C2orf42: variants seen among roughly 807,000 people sequenced by gnomAD.
C2orf42 encodes chromosome 2 open reading frame 42.
A neutral mutation model predicts 58.9 loss-of-function variants in C2orf42; 44 were observed. The ratio of observed to expected loss-of-function variants is 0.75; its 90% CI spans 0.59 to 0.96. The LOEUF (loss-of-function observed/expected upper bound fraction) is 0.96. Ranked by LOEUF, C2orf42 falls within the 40% of genes least tolerant of loss-of-function variation. C2orf42 has a pLI of 0.00. For synonymous variants in C2orf42, 239 were observed against 265.4 expected, an observed-to-expected ratio of 0.90 and a Z score of 0.97; for missense variants, 630 against 699.2, an observed-to-expected ratio of 0.90 and a Z score of 1.12.
intron 9 of C2orf42, among the ~76,000 whole-genome samples, chr2:70,152,564 G>A (rs369476913): frequency 7.9e-5 from 12 of 152,280 alleles, no homozygotes; most frequent in African/African-American, 2.9e-4. Context: ...ATGGAAAAAG[G>A]CAGGAAAATA....
chr2:70,155,176 G>A (rs1672583663), intron 9 of C2orf42, among the ~76,000 whole-genome samples: 1 of 151,990 alleles, frequency 6.6e-6, no homozygotes, highest in South Asian at 2.1e-4. Flanking sequence ...CCTGGGAGGT[G>A]GAGGTTGCAG....
chr2:70,172,913 A>T (rs1387470939), intron 5 of C2orf42, among the ~76,000 whole-genome samples: 1 of 152,172 alleles, frequency 6.6e-6, no homozygotes, highest in African/African-American at 2.4e-5. Flanking sequence ...CTATAATCCC[A>T]GCACTTTGGG....
Position 70,167,241 on chromosome 2 carries a change from C to T in C2orf42, c.1145-1606G>A, listed in dbSNP as rs376875437. On this transcript the variant is annotated intron_variant, in intron 6 of 9. Transcript: ENST00000264434. ...GGCATGGTGGCATGCGCCTGTAGTC[C>T]CAGCTACTTGGGAGGCTGAGGCAGG... Among the ~76,000 whole-genome samples the T allele has an allele frequency of 1.1e-4, 17 of 152,002 alleles. No homozygotes were observed. The East Asian group carries it at 1.9e-3, about 17-fold the overall frequency.
At position 70,181,795 on chromosome 2, in the gene C2orf42, A is replaced by G. The variant is rs1192623338; in HGVS notation, c.191T>C (p.Val64Ala). ...GARKQPSVEA[V>A]KIITGSDLQV... ...AAGATCAGAGCCTGTAATGATTTTG[A>G]CAGCTTCAACACTAGGCTGCTTGCG... The change falls in exon 3 of 10, where the codon GTC (valine) becomes GCC (alanine). Residue 64 changes from valine (V) to alanine (A), a missense_variant. Transcript: ENST00000264434. 6.2e-7 allele frequency: 1 copy of G among 1,614,134 alleles called. No homozygotes were observed. The highest frequency in any genetic ancestry group is 1.7e-5 in the Admixed American group (1 of 60,008).
intron 9 of C2orf42, among the ~76,000 whole-genome samples, chr2:70,158,446 ATTTGTTTG>A (rs554294278): frequency 3.6e-5 from 4 of 112,168 alleles, no homozygotes; most frequent in African/African-American, 2.1e-4. Context: ...TTATTTATTT[ATTTGTTTG>A]TTTGTTTGTT....
chr2:70,158,422 T>C (rs538041414), intron 9 of C2orf42, among the ~76,000 whole-genome samples: 1 of 148,672 alleles, frequency 6.7e-6, no homozygotes, highest in South Asian at 2.1e-4. Context: ...ATATTCCTTT[T>C]ATTATTTATT....
chr2:70,162,741 G>A (rs894748136), intron 8 of C2orf42, among the ~76,000 whole-genome samples: 3 of 151,996 alleles, frequency 2.0e-5, no homozygotes, highest in Admixed American at 6.6e-5. Flanking sequence ...TAAATCGCTG[G>A]TATTATAGCC....
intron 1 of C2orf42, among the ~76,000 whole-genome samples, chr2:70,187,453 A>G (rs1340854253): frequency 6.6e-6 from 1 of 151,894 alleles, no homozygotes. Flanking sequence ...GGGTTTCACC[A>G]TGTTGGCCAG....
intron 4 of C2orf42, among the ~76,000 whole-genome samples, chr2:70,178,851 G>C (rs756340101): frequency 6.6e-6 from 1 of 151,604 alleles, no homozygotes; most frequent in African/African-American, 2.4e-5. Context: ...CTTGAACCCG[G>C]GAGGCAGAGG....
Position 70,150,032 on chromosome 2 carries a change from C to CA in C2orf42, c.*323dup, listed in dbSNP as rs1302382827. ...GTATGGCTGAGTGCTGCAGATTTCT[C>CA]AGAGAATTAGCAAAAGGTTGAAATA... On this transcript the variant is annotated 3_prime_UTR_variant, in exon 10 of 10. Transcript: ENST00000264434. 8.5e-6 allele frequency: 3 copies of CA among 351,894 alleles called. No individual in the cohort carries two copies. Among genetic ancestry groups the CA allele is most frequent in the Non-Finnish European group, 1.6e-5 (3 of 185,776 alleles). 21.8% of individuals were successfully genotyped at this position (351,894 alleles called of 1,614,324 possible). A position where few individuals can be genotyped will look rare whatever the true frequency, so the allele number is the denominator to read the frequency against.
At chr2:70,154,056 A>AAAAC (rs969731064) in intron 9 of C2orf42, among the ~76,000 whole-genome samples, 8 of 124,038 alleles carry the variant, frequency 6.4e-5, no homozygotes, top group Non-Finnish European at 1.3e-4. Flanking sequence ...CTGTCTCAAA[A>AAAAC]AAACAAACAA....
intron 3 of C2orf42, among the ~76,000 whole-genome samples, chr2:70,180,821 G>GT (rs1237764048): frequency 6.6e-6 from 1 of 150,488 alleles, no homozygotes; most frequent in Admixed American, 6.7e-5. Flanking sequence ...CGGCAACAAA[G>GT]TAAGACCCCT....
chr2:70,169,247 C>CCACACA (rs35414580), intron 6 of C2orf42, among the ~76,000 whole-genome samples: 465 of 141,116 alleles, frequency 3.3e-3, no homozygotes, highest in African/African-American at 0.011. Flanking sequence ...ATCTCCCTCA[C>CCACACA]CACACACACA....
At position 70,150,354 on chromosome 2, in the gene C2orf42, C is replaced by T; in HGVS notation, c.*2G>A. On this transcript the variant is annotated 3_prime_UTR_variant, in exon 10 of 10. Coordinates refer to ENST00000264434, the MANE Select transcript of C2orf42 (RefSeq NM_017880.3). ...AGCAAAAGATTATTATCTTGTTTTG[C>T]TTTAAGGGAAAGTAATAGTGGTCAG... 1 of 1,612,880 alleles carries T rather than the reference C, an allele frequency of 6.2e-7. No homozygotes were observed. The highest frequency in any genetic ancestry group is 8.5e-7 in the Non-Finnish European group (1 of 1,179,558).
At chr2:70,170,998 C>T (rs1673772889) in intron 5 of C2orf42, among the ~76,000 whole-genome samples, 1 of 149,520 alleles carries the variant, frequency 6.7e-6, no homozygotes, top group African/African-American at 2.5e-5. Flanking sequence ...ACCTGTAGTC[C>T]CAGCTACTCG....
intron 6 of C2orf42, among the ~76,000 whole-genome samples, chr2:70,166,178 C>T (rs372185005): frequency 2.0e-5 from 3 of 151,468 alleles, no homozygotes; most frequent in South Asian, 2.1e-4. Flanking sequence ...CGTGAGCCAC[C>T]GTGCCTGGCC....
At chr2:70,165,830 C>T (rs1334109276) in intron 6 of C2orf42, among the ~76,000 whole-genome samples, 195 bp from the exon 7 acceptor site, 1 of 152,058 alleles carries the variant, frequency 6.6e-6, no homozygotes, top group East Asian at 1.9e-4. Flanking sequence ...TACTGTTGAT[C>T]CCTTGCAAAC....
intron 8 of C2orf42, among the ~76,000 whole-genome samples, chr2:70,163,402 G>A (rs1558661335): frequency 6.6e-6 from 1 of 151,634 alleles, no homozygotes; most frequent in African/African-American, 2.4e-5. Context: ...CTGCCACCAT[G>A]CCCGGCTAAT....
chr2:70,190,906 C>G (rs1675317800), intron 1 of C2orf42, 67 bp downstream of exon 1: 1 of 152,564 alleles, frequency 6.6e-6, no homozygotes, highest in South Asian at 2.1e-4. Context: ...TTGCTCAGCA[C>G]TACCCCCTTA....
Sources: allele counts gnomAD v4.1 joint callset (sites outside exome capture counted in the v4.1 genomes callset), GRCh38; gene constraint gnomAD v4.1.1; transcripts MANE v1.5; gene names NCBI Gene and HGNC (gene_info 2026-07-23, HGNC 2026-07-21).